LTN1: variants seen among roughly 807,000 people sequenced by gnomAD.
The protein encoded by LTN1 is listerin E3 ubiquitin protein ligase 1.
A neutral mutation model predicts 201.2 loss-of-function variants in LTN1; 88 were observed. The observed-to-expected ratio is 0.44, with a 90% CI of 0.37 to 0.52. The LOEUF (loss-of-function observed/expected upper bound fraction) is 0.52, where lower values mean the gene tolerates loss of function less well. LTN1 is among the 20% of genes least tolerant of loss of function. LTN1 has a pLI of 0.00. For synonymous variants in LTN1, 645 were observed against 713.5 expected (o/e 0.90, Z 1.53); for missense variants, 1,752 against 2,038.7 (o/e 0.86, Z 2.71).
intron 13 of LTN1, 136 bp downstream of exon 13, chr21:28,959,322 A>G (rs1042964208): frequency 2.3e-5 from 23 of 993,258 alleles, no homozygotes; most frequent in Non-Finnish European, 3.4e-5. Flanking sequence ...AGTGTTTAAG[A>G]CTGTAGCCCT....
At chr21:28,991,410 T>A (rs893766458) in intron 1 of LTN1, among the ~76,000 whole-genome samples, 1 of 152,200 alleles carries the variant, frequency 6.6e-6, no homozygotes, top group Non-Finnish European at 1.5e-5. Context: ...CTATAACCAT[T>A]ATTATAATTG....
In LTN1 at chr21:28,930,369, A is replaced by T; in HGVS notation, c.*79T>A. 9.5e-7 allele frequency: 1 copy of T among 1,055,448 alleles called. No individual in the cohort carries two copies. Among genetic ancestry groups the T allele is most frequent in the Non-Finnish European group, 1.4e-6 (1 of 703,062 alleles). The allele number at this position is 1,055,448 out of a possible 1,614,324, so 65.4% of individuals were successfully genotyped here. A position where few individuals can be genotyped will look rare whatever the true frequency, so the allele number is the denominator to read the frequency against. On this transcript the variant is annotated 3_prime_UTR_variant, in exon 30 of 30. Transcript: ENST00000361371. ...AAAAGTAATGCTCACTGGCTTCCCC[A>T]CATCCACACTTTCAGACGGATCCAA...
At chr21:28,936,812 C>CTAGCAGA in intron 25 of LTN1, 115 bp from the exon 26 acceptor site, 1 of 721,450 alleles carries the variant, frequency 1.4e-6, no homozygotes, top group Non-Finnish European at 2.3e-6. Flanking sequence ...GACATTCTAT[C>CTAGCAGA]CCCTCATTAT....
chr21:28,949,457 C>CT (rs2084366184), intron 18 of LTN1, among the ~76,000 whole-genome samples: 1 of 152,208 alleles, frequency 6.6e-6, no homozygotes, highest in Non-Finnish European at 1.5e-5. Flanking sequence ...CTCCAGAACT[C>CT]TTCATTCTGC....
chr21:28,940,431 C>G (rs920753483), intron 25 of LTN1, among the ~76,000 whole-genome samples: 2 of 152,092 alleles, frequency 1.3e-5, no homozygotes, highest in Non-Finnish European at 2.9e-5. Context: ...GATATTTTCA[C>G]CACTTAGGTA....
chr21:28,962,477 G>A (rs1317834841), intron 11 of LTN1, among the ~76,000 whole-genome samples: 1 of 151,958 alleles, frequency 6.6e-6, no homozygotes, highest in Non-Finnish European at 1.5e-5. Flanking sequence ...TGTAATGTTT[G>A]GGGGTGCCAC....
At chr21:28,970,824 C>A in intron 7 of LTN1, 82 bp from the exon 8 acceptor site, 2 of 1,076,948 alleles carry the variant, frequency 1.9e-6, no homozygotes, top group Non-Finnish European at 1.3e-6. Flanking sequence ...TATAGGCTCT[C>A]AAAAAGAAAA....
At chr21:28,956,306 G>T (rs1386642822) in intron 16 of LTN1, among the ~76,000 whole-genome samples, 1 of 152,170 alleles carries the variant, frequency 6.6e-6, no homozygotes, top group African/African-American at 2.4e-5. Context: ...TGTTTGAGGT[G>T]ATGGATATCC....
intron 9 of LTN1, 53 bp from the exon 10 acceptor site, chr21:28,967,232 T>C: frequency 8.0e-7 from 1 of 1,251,558 alleles, no homozygotes; most frequent in Non-Finnish European, 1.1e-6. Flanking sequence ...TCAACCCCCA[T>C]CTCCTGGCAC....
At chr21:28,982,478 T>C (rs2084666847) in intron 4 of LTN1, 110 bp from the exon 5 acceptor site, 3 of 783,540 alleles carry the variant, frequency 3.8e-6, no homozygotes, top group South Asian at 1.6e-5. Context: ...ATAAACATCA[T>C]CTTACCTAAG....
rs946452178 is a variant in LTN1, at chr21:28,966,725, G to C, written c.1766C>G (p.Pro589Arg). The C allele has an allele frequency of 1.9e-6, 3 of 1,613,908 alleles. No homozygotes were observed. The highest frequency in any genetic ancestry group is 2.5e-6 in the Non-Finnish European group (3 of 1,179,982). Residue 589 changes from proline to arginine, a missense_variant, in exon 10 of 30, where the codon CCT (proline) becomes CGT (arginine). By Grantham distance (103) the Pro-to-Arg change is moderately radical. This residue lies in a region of LTN1 where 1,211 missense variants were observed against 1,312.8 expected (regional missense o/e 0.92). Transcript: ENST00000361371. Reference protein sequence around the residue: ...SGLLSPLRKKPLEDLVCKLAD... With the variant: ...SGLLSPLRKKRLEDLVCKLAD... ...GAGTTTACAGACTAAGTCTTCCAAA[G>C]GTTTTTTCCTTAGAGGAGACAAAAG...
Position 28,959,577 on chromosome 21 carries a change from T to TG in LTN1, c.2473_2474insC (p.Asp825AlafsTer5). ...TGAGCTGAAATAGTTATAGGCCACA[T>TG]CACAGATAAAAGACACTGATGAGTC... On this transcript the variant is annotated frameshift_variant, in exon 13 of 30. Transcript: ENST00000361371. LOFTEE classifies it high-confidence loss of function. The TG allele has an allele frequency of 6.2e-7, 1 of 1,614,060 alleles. No individual in the cohort carries two copies. The highest frequency in any genetic ancestry group is 1.1e-5 in the South Asian group (1 of 91,088).
chr21:28,936,442 T>C, intron 26 of LTN1, 84 bp downstream of exon 26: 2 of 1,147,768 alleles, frequency 1.7e-6, no homozygotes, highest in Non-Finnish European at 2.4e-6. Flanking sequence ...TTGGGGTTAT[T>C]CTCCACATTC....
chr21:28,937,354 T>G (rs994208511), intron 25 of LTN1, among the ~76,000 whole-genome samples: 37 of 152,186 alleles, frequency 2.4e-4, no homozygotes, highest in Non-Finnish European at 1.3e-4. Flanking sequence ...CTCCTCACAG[T>G]ACAAAGATAT....
intron 15 of LTN1, 139 bp downstream of exon 15, chr21:28,957,193 T>A (rs542074479): frequency 1.2e-6 from 1 of 841,412 alleles, no homozygotes; most frequent in South Asian, 2.0e-5. Context: ...AAACATCCAG[T>A]ATATGAGCAT....
intron 4 of LTN1, among the ~76,000 whole-genome samples, chr21:28,984,164 C>T (rs1049936468): frequency 1.3e-4 from 19 of 150,634 alleles, no homozygotes; most frequent in African/African-American, 4.4e-4. Context: ...GTATCACTCC[C>T]ACAAGGGTAT....
At position 28,928,393 on chromosome 21, in the gene LTN1, A is replaced by C. The variant is rs1172821043; in HGVS notation, c.*2055T>G. Reference sequence around the variant, plus strand: ...ACAGACACTTATGTACATACATTGGAGCATGTGATAAAAGAGTCAAAAATA... The same window carrying C: ...ACAGACACTTATGTACATACATTGGCGCATGTGATAAAAGAGTCAAAAATA... On this transcript the variant is annotated 3_prime_UTR_variant, in exon 30 of 30. Coordinates refer to ENST00000361371, the MANE Select transcript of LTN1 (RefSeq NM_015565.3). The C allele has an allele frequency of 6.6e-6, 1 of 152,444 alleles. No homozygotes were observed. The highest frequency in any genetic ancestry group is 1.5e-5 in the Non-Finnish European group (1 of 68,010). The allele number at this position is 152,444 out of a possible 1,614,324, so 9.4% of individuals were successfully genotyped here.
At chr21:28,935,062 C>G (rs371452182) in intron 27 of LTN1, 47 bp downstream of exon 27, 19 of 1,183,720 alleles carry the variant, frequency 1.6e-5, no homozygotes, top group Non-Finnish European at 2.0e-5. Context: ...GACAGACATA[C>G]CCAATATTAA....
At chr21:28,988,665 G>A (rs1260674218) in intron 1 of LTN1, among the ~76,000 whole-genome samples, 1 of 151,378 alleles carries the variant, frequency 6.6e-6, no homozygotes, top group Non-Finnish European at 1.5e-5. Context: ...TTAAGTGAAA[G>A]TAAGTTTATT....
Sources: gnomAD v4.1 joint callset for allele counts (sites outside exome capture counted in the v4.1 genomes callset) on GRCh38, gnomAD v4.1.1 for gene constraint, gnomAD v4.1.1 regional missense constraint, MANE v1.5 for transcripts, NCBI Gene and HGNC (gene_info 2026-07-23, HGNC 2026-07-21) for gene names.